STPG2: variants seen among roughly 807,000 people sequenced by gnomAD.
The protein encoded by STPG2 is sperm-tail PG-rich repeat-containing protein 2.
A neutral mutation model predicts 54.2 loss-of-function variants in STPG2; 56 were observed. The observed-to-expected ratio is 1.03, with a 90% CI of 0.83 to 1.29. The LOEUF is 1.29. Ranked by LOEUF, STPG2 falls within the 50% of genes most tolerant of loss-of-function variation. STPG2 has a pLI of 0.00. For missense variants in STPG2, 596 were observed against 544.9 expected, an observed-to-expected ratio of 1.09 and a Z score of -0.93; for synonymous variants, 200 against 181.8, an observed-to-expected ratio of 1.10 and a Z score of -0.81.
At chr4:97,806,386 G>A (rs1727566737) in intron 9 of STPG2, among the ~76,000 whole-genome samples, 1 of 152,088 alleles carries the variant, frequency 6.6e-6, no homozygotes, top group South Asian at 2.1e-4. Flanking sequence ...AAAGGCACAA[G>A]GATTGAAAAA....
chr4:97,448,529 T>C (rs1729284644), intron 4 of STPG2, among the ~76,000 whole-genome samples: 1 of 152,116 alleles, frequency 6.6e-6, no homozygotes, highest in Non-Finnish European at 1.5e-5. Context: ...TCTGATGATT[T>C]TATAAGTGTT....
intron 4 of STPG2, among the ~76,000 whole-genome samples, chr4:97,470,658 T>G (rs1729901671): frequency 1.3e-5 from 2 of 152,126 alleles, no homozygotes; most frequent in South Asian, 4.1e-4. Context: ...ACAATTATAA[T>G]GAAATACTGT....
At chr4:97,558,221 A>T (rs1210299095), downstream of STPG2, among the ~76,000 whole-genome samples, 1 of 152,208 alleles carries the variant, frequency 6.6e-6, no homozygotes, top group African/African-American at 2.4e-5. Context: ...TGAATGTGCC[A>T]GTCTGGGAAA....
At chr4:98,110,516 T>C (rs986993253) in intron 3 of STPG2, among the ~76,000 whole-genome samples, 4 of 152,034 alleles carry the variant, frequency 2.6e-5, no homozygotes, top group African/African-American at 4.8e-5. Flanking sequence ...CCACTGAGCA[T>C]GTGAACAGCC....
chr4:97,906,545 C>A (rs1312353321), intron 8 of STPG2, among the ~76,000 whole-genome samples: 1 of 152,156 alleles, frequency 6.6e-6, no homozygotes, highest in South Asian at 2.1e-4. Context: ...ATACCAAAGC[C>A]TGGCAGAGAC....
chr4:97,742,549 G>A lies in STPG2; in HGVS notation c.1205-29735C>T, dbSNP rs1269198390. ...TGTGTGTGTGTGTGTGTGTGTGTGT[G>A]TGTGTGTGTGTGTGTGTCTATATAT... On this transcript the variant is annotated intron_variant, in intron 9 of 10. Coordinates refer to ENST00000295268, the MANE Select transcript of STPG2 (RefSeq NM_174952.3). Among the ~76,000 whole-genome samples, 201 of 143,380 alleles carry A rather than the reference G, an allele frequency of 1.4e-3. 3 individuals are homozygous for A. Among genetic ancestry groups the A allele is most frequent in the African/African-American group, 4.7e-3 (184 of 39,246 alleles). The allele number at this position is 143,380 out of a possible 152,430, so 94.1% of individuals were successfully genotyped here.
At chr4:98,042,623 C>A (rs1319718402) in intron 5 of STPG2, among the ~76,000 whole-genome samples, 1 of 151,830 alleles carries the variant, frequency 6.6e-6, no homozygotes, top group African/African-American at 2.4e-5. Context: ...TTCAAGAGCA[C>A]CTATTGTTAT....
At chr4:97,635,333 G>A (rs182739479) in intron 10 of STPG2, among the ~76,000 whole-genome samples, 1,692 of 152,334 alleles carry the variant, frequency 0.011, 16 homozygotes, top group Non-Finnish European at 0.017. Flanking sequence ...AAGAGCTCCT[G>A]AAGGAAGCGC....
intron 5 of STPG2, among the ~76,000 whole-genome samples, chr4:98,096,020 T>C (rs1738846158): frequency 6.6e-6 from 1 of 152,200 alleles, no homozygotes; most frequent in African/African-American, 2.4e-5. Flanking sequence ...TTTTGGAAAC[T>C]ATACAAACAC....
intron 5 of STPG2, among the ~76,000 whole-genome samples, chr4:98,038,287 A>C (rs1379668510): frequency 6.6e-6 from 1 of 152,138 alleles, no homozygotes; most frequent in Non-Finnish European, 1.5e-5. Flanking sequence ...TGAGGGCAGT[A>C]TAGGGGATCT....
chr4:97,973,901 C>A (rs1247374516), intron 6 of STPG2, among the ~76,000 whole-genome samples: 1 of 152,224 alleles, frequency 6.6e-6, no homozygotes, highest in African/African-American at 2.4e-5. Flanking sequence ...AGAGCCACCA[C>A]ACAGAGTCCC....
At chr4:97,805,993 C>A (rs190228738) in intron 9 of STPG2, among the ~76,000 whole-genome samples, 10 of 152,200 alleles carry the variant, frequency 6.6e-5, no homozygotes, top group African/African-American at 2.4e-4. Context: ...ACAGGAATAC[C>A]ATTACTGGGT....
intron 8 of STPG2, among the ~76,000 whole-genome samples, chr4:97,903,571 T>A (rs1295826518): frequency 1.3e-5 from 2 of 152,076 alleles, no homozygotes; most frequent in South Asian, 2.1e-4. Flanking sequence ...ATAAAACTCA[T>A]GTAGTAAGAC....
intron 4 of STPG2, among the ~76,000 whole-genome samples, chr4:97,507,670 G>A (rs1578350860): frequency 6.6e-6 from 1 of 151,958 alleles, no homozygotes; most frequent in East Asian, 1.9e-4. Flanking sequence ...ATTCACTCAG[G>A]CTTGATAAGG....
intron 8 of STPG2, among the ~76,000 whole-genome samples, chr4:97,861,592 G>T (rs543402351): frequency 3.3e-5 from 5 of 152,036 alleles, no homozygotes; most frequent in Non-Finnish European, 1.5e-5. Context: ...CCAAAATCTG[G>T]AAGCAACTTA....
intron 10 of STPG2, among the ~76,000 whole-genome samples, chr4:97,567,176 T>C (rs888822403): frequency 1.3e-5 from 2 of 150,346 alleles, no homozygotes; most frequent in Non-Finnish European, 3.0e-5. Flanking sequence ...TACTTTAAGG[T>C]AGTCATAGCT....
At chr4:98,130,951 C>A (rs5014702) in intron 2 of STPG2, among the ~76,000 whole-genome samples, 27,231 of 99,456 alleles carry the variant, frequency 0.27, 4,502 homozygotes, top group African/African-American at 0.34. Context: ...AAAAAAAAAA[C>A]GACTTTCCAA....
At chr4:98,132,570 G>T (rs6846264) in intron 2 of STPG2, among the ~76,000 whole-genome samples, 1 of 151,738 alleles carries the variant, frequency 6.6e-6, no homozygotes, top group Non-Finnish European at 1.5e-5. Flanking sequence ...CGTTTCTCCC[G>T]GTTTTGTAGA....
At chr4:97,918,635 T>C (rs1731978959) in intron 8 of STPG2, among the ~76,000 whole-genome samples, 1 of 151,752 alleles carries the variant, frequency 6.6e-6, no homozygotes, top group Non-Finnish European at 1.5e-5. Flanking sequence ...TACTAAGCCA[T>C]AAAAAAGGAA....
Sources: allele counts gnomAD v4.1 joint callset (sites outside exome capture counted in the v4.1 genomes callset), GRCh38; gene constraint gnomAD v4.1.1; transcripts MANE v1.5; gene names NCBI Gene and HGNC (gene_info 2026-07-23, HGNC 2026-07-21).